Variants in CLUAP1 observed in about 807,000 individuals in gnomAD.
CLUAP1 encodes clusterin-associated protein 1.
Under a neutral mutation model 55.0 loss-of-function variants are expected in CLUAP1, and 50 were observed. The ratio of observed to expected loss-of-function variants is 0.91; its 90% CI spans 0.72 to 1.15. CLUAP1 has a LOEUF of 1.15. CLUAP1 is among the 50% of genes most tolerant of loss of function. CLUAP1 has a pLI of 0.00. For missense variants in CLUAP1, 530 were observed against 507.6 expected (o/e 1.04, Z -0.42); for synonymous variants, 195 against 175.4 (o/e 1.11, Z -0.88).
chr16:3,513,681 C>A (rs887891984), intron 5 of CLUAP1, among the ~76,000 whole-genome samples: 2 of 152,136 alleles, frequency 1.3e-5, no homozygotes, highest in Non-Finnish European at 2.9e-5. Context: ...AACTCCTGAT[C>A]TCAAGTGATT....
At chr16:3,517,917 G>C (rs913300890) in intron 6 of CLUAP1, among the ~76,000 whole-genome samples, 1 of 152,214 alleles carries the variant, frequency 6.6e-6, no homozygotes, top group African/African-American at 2.4e-5. Context: ...AGGCTGTGGA[G>C]ATGTGATAAC....
chr16:3,538,034 A>T lies in CLUAP1; in HGVS notation c.*1763A>T, dbSNP rs572313136. The T allele has an allele frequency of 2.0e-5, 3 of 151,614 alleles. No individual in the cohort carries two copies. In the East Asian group the frequency reaches 5.8e-4, roughly 29 times the overall value. The allele number at this position is 151,614 out of a possible 1,614,324, so 9.4% of individuals were successfully genotyped here. A position where few individuals can be genotyped will look rare whatever the true frequency, so the allele number is the denominator to read the frequency against. On this transcript the variant is annotated 3_prime_UTR_variant, in exon 12 of 12. Transcript: ENST00000576634. ...AAAAAAAAAAAAGCATACAGTAAATAAAAAAGCACAAAACAGTTTTCACTT... is the reference window on the plus strand; with the variant it reads ...AAAAAAAAAAAAGCATACAGTAAATTAAAAAGCACAAAACAGTTTTCACTT...
At chr16:3,509,889 A>C (rs1248859826) in intron 4 of CLUAP1, 1 of 152,472 alleles carries the variant, frequency 6.6e-6, no homozygotes, top group Non-Finnish European at 1.5e-5. Flanking sequence ...GTGCAATGGC[A>C]CGATCTTGGC....
chr16:3,512,671 ATTTATTTATT>A (rs988968613), intron 5 of CLUAP1, among the ~76,000 whole-genome samples, 193 bp downstream of exon 5: 4 of 151,668 alleles, frequency 2.6e-5, no homozygotes, highest in Non-Finnish European at 4.4e-5. Context: ...TTATTTATTT[ATTTATTTATT>A]TTTATTTATT....
At chr16:3,504,146 T>C (rs949997478) in intron 1 of CLUAP1, among the ~76,000 whole-genome samples, 1 of 152,248 alleles carries the variant, frequency 6.6e-6, no homozygotes, top group African/African-American at 2.4e-5. Flanking sequence ...AATCTAAATA[T>C]GGTTGTATAG....
chr16:3,527,649 C>T (rs980030605), intron 9 of CLUAP1, among the ~76,000 whole-genome samples: 7 of 152,168 alleles, frequency 4.6e-5, no homozygotes, highest in Admixed American at 6.5e-5. Flanking sequence ...AACCATCTCC[C>T]GGTGATACTG....
chr16:3,524,315 A>G lies in CLUAP1; in HGVS notation c.855+1016A>G, dbSNP rs142380563. Reference sequence around the variant, plus strand: ...AGACCCTGTCTCAAAAAGAAAAAAAAAAAGGGCCGGGCGCGGTGGCTCACG... The same window carrying G: ...AGACCCTGTCTCAAAAAGAAAAAAAGAAAGGGCCGGGCGCGGTGGCTCACG... On this transcript the variant is annotated intron_variant, in intron 8 of 11. Transcript: ENST00000576634. 4.7e-3 allele frequency among the ~76,000 whole-genome samples: 706 copies of G among 150,332 alleles called. 8 individuals carry two copies. Among genetic ancestry groups the G allele is most frequent in the African/African-American group, 0.016 (668 of 40,872 alleles).
Position 3,520,556 on chromosome 16 carries a change from G to A in CLUAP1, c.713+520G>A, listed in dbSNP as rs377205092. 1.3e-3 allele frequency among the ~76,000 whole-genome samples: 205 copies of A among 152,120 alleles called. 6 individuals are homozygous for A. The South Asian group carries it at 0.04, about 29-fold the overall frequency. On this transcript the variant is annotated intron_variant, in intron 7 of 11. Transcript: ENST00000576634. ...TAAACTCATTCTCTTTACTGCTTGC[G>A]GTATGTCTGGAAAACTGCTTAAAGC...
At chr16:3,532,749 G>T (rs2038151042) in intron 10 of CLUAP1, 37 bp from the exon 11 acceptor site, 1 of 1,610,670 alleles carries the variant, frequency 6.2e-7, no homozygotes. Flanking sequence ...TATTTTCCAA[G>T]ATTTTTATGA....
In CLUAP1 at chr16:3,515,601, CT is replaced by C. The variant is rs769714203; in HGVS notation, c.579+13del. On this transcript the variant is annotated intron_variant, in intron 6 of 11. Coordinates refer to ENST00000576634, the MANE Select transcript of CLUAP1 (RefSeq NM_015041.3). ...AATAAAAGAGATTTTGGTAAGATGACTTTGCTTTTATATAATGTTTTTTATG... is the reference window on the plus strand; with the variant it reads ...AATAAAAGAGATTTTGGTAAGATGACTTGCTTTTATATAATGTTTTTTATG... 27 of 1,570,322 alleles carry C rather than the reference CT, an allele frequency of 1.7e-5. No individual in the cohort carries two copies. The highest frequency in any genetic ancestry group is 2.2e-5 in the Non-Finnish European group (25 of 1,160,076).
At chr16:3,519,245 C>T (rs748372721) in intron 6 of CLUAP1, among the ~76,000 whole-genome samples, 3 of 152,246 alleles carry the variant, frequency 2.0e-5, no homozygotes, top group African/African-American at 4.8e-5. Context: ...GCCCAAGGGC[C>T]TCTGTCCAAC....
chr16:3,519,805 C>T, intron 6 of CLUAP1, 98 bp from the exon 7 acceptor site: 1 of 1,211,088 alleles, frequency 8.3e-7, no homozygotes, highest in Non-Finnish European at 1.1e-6. Flanking sequence ...GTTTGTTGAG[C>T]ATAATGTTGC....
chr16:3,522,299 G>A (rs1218998456), intron 7 of CLUAP1, among the ~76,000 whole-genome samples: 3 of 150,332 alleles, frequency 2.0e-5, no homozygotes, highest in African/African-American at 7.3e-5. Context: ...GAGTAGCTGG[G>A]ATTACAGGCA....
chr16:3,517,479 GT>G (rs879541774), intron 6 of CLUAP1, among the ~76,000 whole-genome samples: 3,401 of 143,570 alleles, frequency 0.024, 40 homozygotes, highest in Non-Finnish European at 0.037. Flanking sequence ...GCTAATTTTT[GT>G]TTTTTTTTTT....
At chr16:3,532,975 G>C in intron 11 of CLUAP1, 134 bp downstream of exon 11, 3 of 1,331,698 alleles carry the variant, frequency 2.3e-6, no homozygotes, top group South Asian at 1.2e-5. Context: ...ATGCGTGGCA[G>C]GGTTTGGCCT....
intron 8 of CLUAP1, among the ~76,000 whole-genome samples, chr16:3,524,612 A>G (rs976792551): frequency 6.6e-6 from 1 of 151,672 alleles, no homozygotes; most frequent in African/African-American, 2.4e-5. Context: ...AAAAAAAAAA[A>G]AAAAAAAAAG....
chr16:3,496,068 G>A, upstream of CLUAP1: 1 of 329,568 alleles, frequency 3.0e-6, no homozygotes, highest in South Asian at 2.5e-5. Context: ...GTGAACCCGG[G>A]AGGCGAAGCT....
intron 1 of CLUAP1, among the ~76,000 whole-genome samples, chr16:3,501,586 C>T (rs2037403490): frequency 6.6e-6 from 1 of 151,992 alleles, no homozygotes; most frequent in Admixed American, 6.6e-5. Flanking sequence ...AGTTCGAGAC[C>T]AGCCTGACCA....
intron 7 of CLUAP1, among the ~76,000 whole-genome samples, chr16:3,522,658 C>A (rs1409704935): frequency 1.3e-5 from 2 of 152,110 alleles, no homozygotes; most frequent in African/African-American, 4.8e-5. Flanking sequence ...CTCAATCCTC[C>A]TCCTACTTCA....
Sources: gnomAD v4.1 joint callset for allele counts (sites outside exome capture counted in the v4.1 genomes callset) on GRCh38, gnomAD v4.1.1 for gene constraint, MANE v1.5 for transcripts, NCBI Gene and HGNC (gene_info 2026-07-23, HGNC 2026-07-21) for gene names.